MAPK4: variants seen among roughly 807,000 people sequenced by gnomAD.
MAPK4 encodes mitogen-activated protein kinase 4, also known as Erk3-related.
MAPK4 carries 22 observed loss-of-function variants against 47.7 expected under a neutral mutation model. That is an observed-to-expected ratio of 0.46 (90% confidence interval 0.33 to 0.66). The LOEUF is 0.66. Among genes scored for constraint, MAPK4 ranks in the 30% least tolerant of loss-of-function variants. MAPK4 has a pLI of 0.02. For synonymous variants in MAPK4, 390 were observed against 365.7 expected (o/e 1.07, Z -0.76); for missense variants, 736 against 831.7 (o/e 0.88, Z 1.42).
intron 2 of MAPK4, among the ~76,000 whole-genome samples, chr18:50,687,574 G>C (rs556231032): frequency 9.2e-5 from 14 of 152,060 alleles, no homozygotes; most frequent in African/African-American, 3.4e-4. Flanking sequence ...GGCCTGCCTC[G>C]CTCTTTCCCT....
intron 1 of MAPK4, among the ~76,000 whole-genome samples, chr18:50,595,669 T>C (rs1458295894): frequency 2.6e-5 from 4 of 152,170 alleles, no homozygotes; most frequent in African/African-American, 4.8e-5. Context: ...ACACTTAAGA[T>C]CTGGGAAAAT....
intron 3 of MAPK4, among the ~76,000 whole-genome samples, chr18:50,720,819 A>C (rs1157400872): frequency 6.6e-6 from 1 of 152,102 alleles, no homozygotes; most frequent in African/African-American, 2.4e-5. Flanking sequence ...GGCCAAAAGG[A>C]CCTCTTCAGG....
chr18:50,706,415 C>A (rs1910057305), intron 2 of MAPK4, among the ~76,000 whole-genome samples: 1 of 151,100 alleles, frequency 6.6e-6, no homozygotes. Context: ...TCCGCCCCCA[C>A]AGATTCTGAT....
chr18:50,658,932 G>A (rs990994059), intron 1 of MAPK4, among the ~76,000 whole-genome samples: 7 of 152,196 alleles, frequency 4.6e-5, no homozygotes, highest in Admixed American at 1.3e-4. Context: ...ATGTTCCCAC[G>A]GAGTCTAGAG....
At chr18:50,639,561 C>T (rs1211538974) in intron 1 of MAPK4, among the ~76,000 whole-genome samples, 1 of 152,160 alleles carries the variant, frequency 6.6e-6, no homozygotes, top group Non-Finnish European at 1.5e-5. Context: ...ATCTACCACT[C>T]ACAGATAATA....
chr18:50,570,659 T>A (rs2042241758), intron 1 of MAPK4, among the ~76,000 whole-genome samples: 1 of 152,192 alleles, frequency 6.6e-6, no homozygotes, highest in Non-Finnish European at 1.5e-5. Context: ...CAGATGACTC[T>A]GCTTGATGCT....
At chr18:50,601,679 C>G (rs914658409) in intron 1 of MAPK4, among the ~76,000 whole-genome samples, 1 of 152,112 alleles carries the variant, frequency 6.6e-6, no homozygotes, top group African/African-American at 2.4e-5. Flanking sequence ...TCTTGGAGAT[C>G]CTGTTTGCTG....
At chr18:50,654,005 C>T (rs955475138) in intron 1 of MAPK4, among the ~76,000 whole-genome samples, 2 of 152,184 alleles carry the variant, frequency 1.3e-5, no homozygotes, top group Admixed American at 1.3e-4. Context: ...TTTGATTCTC[C>T]TGGCTCATCA....
At chr18:50,715,770 T>A (rs1026219398) in intron 3 of MAPK4, among the ~76,000 whole-genome samples, 5 of 152,244 alleles carry the variant, frequency 3.3e-5, no homozygotes, top group Admixed American at 1.3e-4. Flanking sequence ...GTTGTTTATA[T>A]GCCACCTAGG....
intron 1 of MAPK4, among the ~76,000 whole-genome samples, chr18:50,571,645 C>T (rs922021360): frequency 2.0e-5 from 3 of 152,174 alleles, no homozygotes; most frequent in African/African-American, 7.2e-5. Context: ...TTATTTGAGA[C>T]CCATCAGGGC....
intron 1 of MAPK4, among the ~76,000 whole-genome samples, chr18:50,576,477 C>G (rs1267000715): frequency 1.3e-5 from 2 of 152,042 alleles, no homozygotes; most frequent in Non-Finnish European, 2.9e-5. Flanking sequence ...GACACTGGGG[C>G]GTGCTTAAGG....
In MAPK4 at chr18:50,572,689, T is replaced by A. The variant is rs867008780; in HGVS notation, c.-871+12446T>A. 5.3e-5 allele frequency among the ~76,000 whole-genome samples: 8 copies of A among 152,286 alleles called. No individual in the cohort carries two copies. The Middle Eastern group carries it at 0.01, about 194-fold the overall frequency. ...TTTATTCAGAAGCAAATCTCCAGAATCAAAAATCTATCCACCATTTACCTG... is the reference window on the plus strand; with the variant it reads ...TTTATTCAGAAGCAAATCTCCAGAAACAAAAATCTATCCACCATTTACCTG... On this transcript the variant is annotated intron_variant, in intron 1 of 5. Transcript: ENST00000400384.
intron 2 of MAPK4, among the ~76,000 whole-genome samples, chr18:50,698,841 A>T (rs1352344862): frequency 6.6e-6 from 1 of 152,148 alleles, no homozygotes; most frequent in African/African-American, 2.4e-5. Context: ...CCTGGCCAAC[A>T]TGGTAAAACC....
chr18:50,689,467 G>A (rs1225320487), intron 2 of MAPK4, among the ~76,000 whole-genome samples: 2 of 151,910 alleles, frequency 1.3e-5, no homozygotes, highest in African/African-American at 4.8e-5. Context: ...CTCATGCGCT[G>A]GTGTTCCACC....
At chr18:50,716,073 G>A (rs1162786236) in intron 3 of MAPK4, among the ~76,000 whole-genome samples, 3 of 152,098 alleles carry the variant, frequency 2.0e-5, no homozygotes, top group African/African-American at 7.2e-5. Context: ...TAATTCCCCA[G>A]GGCATGAGTC....
intron 1 of MAPK4, among the ~76,000 whole-genome samples, chr18:50,644,235 G>A (rs2042967557): frequency 6.6e-6 from 1 of 152,028 alleles, no homozygotes; most frequent in South Asian, 2.1e-4. Flanking sequence ...CTTGGTAAGA[G>A]CTTCCCCCTG....
chr18:50,666,497 AG>A (rs1907610104), intron 2 of MAPK4, among the ~76,000 whole-genome samples: 1 of 152,216 alleles, frequency 6.6e-6, no homozygotes, highest in African/African-American at 2.4e-5. Context: ...ATCAAACCCA[AG>A]CTCAGTGCTG....
At chr18:50,559,703 C>G (rs1240042141), upstream of MAPK4, among the ~76,000 whole-genome samples, 1 of 151,284 alleles carries the variant, frequency 6.6e-6, no homozygotes, top group Non-Finnish European at 1.5e-5. Context: ...TTCCCGCCTT[C>G]TCGGCGCCCC....
At chr18:50,661,316 G>T (rs1340185371) in intron 1 of MAPK4, among the ~76,000 whole-genome samples, 3 of 152,194 alleles carry the variant, frequency 2.0e-5, no homozygotes, top group Non-Finnish European at 4.4e-5. Context: ...TGATTCCCCT[G>T]AGTTAGGTAT....
Sources: gnomAD v4.1 joint callset for allele counts (sites outside exome capture counted in the v4.1 genomes callset) on GRCh38, gnomAD v4.1.1 for gene constraint, MANE v1.5 for transcripts, NCBI Gene and HGNC (gene_info 2026-07-23, HGNC 2026-07-21) for gene names.